Variants in CHD3 observed in about 807,000 individuals in gnomAD.
The protein encoded by CHD3 is ATP-dependent chromatin remodeler CHD3.
A neutral mutation model predicts 248.9 loss-of-function variants in CHD3; 52 were observed. That is an observed-to-expected ratio of 0.21 (90% confidence interval 0.17 to 0.26). The LOEUF is 0.26. Among genes scored for constraint, CHD3 ranks in the 10% least tolerant of loss-of-function variants. The pLI is 1.00. For synonymous variants in CHD3, 985 were observed against 985.2 expected (o/e 1.00, Z 0.00); for missense variants, 1,482 against 2,605.8 (o/e 0.57, Z 9.39).
rs1157936918 is a variant in CHD3, at chr17:7,905,344, G to A, written c.4138+179G>A. The A allele has an allele frequency of 7.5e-6, 5 of 662,810 alleles. No homozygotes were observed. Among genetic ancestry groups the A allele is most frequent in the Non-Finnish European group, 1.4e-5 (5 of 368,700 alleles). The allele number at this position is 662,810 out of a possible 1,614,324, so 41.1% of individuals were successfully genotyped here. ...TCTCTGCTAGTAAACTTCGGTGTGT[G>A]TGACCACATAGGCTAGATCCAGAAA... On this transcript the variant is annotated intron_variant, in intron 26 of 39. Transcript: ENST00000330494. This position sits in a 1 kb window ranked among gnomAD's most constrained non-coding sequence, Gnocchi z 5.8.
chr17:7,889,717 CGAG>C lies in CHD3; in HGVS notation c.157_159del (p.Gly53del). On this transcript the variant is annotated inframe_deletion, in exon 2 of 40. Coordinates refer to ENST00000330494, the MANE Select transcript of CHD3 (RefSeq NM_001005273.3). This position sits in a 1 kb window ranked among gnomAD's most constrained non-coding sequence, Gnocchi z 4.5. ...AGCATTGGGTGTGAAGAAGAGAAAA[CGAG>C]GACCCAAGAAGCAGAAGGAGAACAA... 1 of 1,613,554 alleles carries C rather than the reference CGAG, an allele frequency of 6.2e-7. No individual in the cohort carries two copies.
Position 7,907,108 on chromosome 17 carries a change from C to G in CHD3, c.4667-18C>G. 9 of 1,614,168 alleles carry G rather than the reference C, an allele frequency of 5.6e-6. No homozygotes were observed. The highest frequency in any genetic ancestry group is 7.6e-6 in the Non-Finnish European group (9 of 1,180,006). On this transcript the variant is annotated intron_variant, in intron 30 of 39. Transcript: ENST00000330494. This position sits in a 1 kb window ranked among gnomAD's most constrained non-coding sequence, Gnocchi z 4.3. ...GGCGGGAGAATCTCTGTCTTTATCA[C>G]TGTGCCTTCCCCTGCAGCTACTCCA...
In CHD3 at chr17:7,910,383, C is replaced by T; in HGVS notation, c.5591-45C>T. 6.2e-7 allele frequency: 1 copy of T among 1,613,128 alleles called. No homozygotes were observed. Among genetic ancestry groups the T allele is most frequent in the Admixed American group, 1.7e-5 (1 of 60,008 alleles). Reference sequence around the variant, plus strand: ...TTTTCCTGGCTCCATCTCTGTATTTCCCTGTCTTTCTCTTGCCCTTCTTTC... The same window carrying T: ...TTTTCCTGGCTCCATCTCTGTATTTTCCTGTCTTTCTCTTGCCCTTCTTTC... On this transcript the variant is annotated intron_variant, in intron 37 of 39. Transcript: ENST00000330494. This position sits in a 1 kb window ranked among gnomAD's most constrained non-coding sequence, Gnocchi z 4.7.
rs372099051 is a variant in CHD3, at chr17:7,908,769, T to C, written c.5334T>C (p.Thr1778=). 5 of 1,614,010 alleles carry C rather than the reference T, an allele frequency of 3.1e-6. No homozygotes were observed. The African/African-American group carries it at 6.7e-5, about 22-fold the overall frequency. The stretch of plus-strand genomic sequence containing the variant: ...CCATTATCAACGAGCCATTTAAAAC[T>C]GAAGCCAATAAGGGGAACTTTCTGG... The part of the protein sequence containing the change: ...QFAIINEPFK[T]EANKGNFLEM... Residue 1778 remains threonine, a synonymous_variant, in exon 36 of 40, where the codon ACT becomes ACC. Transcript: ENST00000330494. The surrounding 1 kb of genome is among the most constrained non-coding windows in gnomAD (Gnocchi z 5.8).
rs1970105163 is a variant in CHD3, at chr17:7,899,827, G to T, written c.2545-69G>T. On this transcript the variant is annotated intron_variant, in intron 15 of 39. Transcript: ENST00000330494. This position sits in a 1 kb window ranked among gnomAD's most constrained non-coding sequence, Gnocchi z 6.8. ...TTGGGAGCCACAGTCAGGACAAGGT[G>T]TCTGGTTCTGGAGGTGTAGGTGCAT... 4 of 1,572,330 alleles carry T rather than the reference G, an allele frequency of 2.5e-6. No homozygotes were observed. Among genetic ancestry groups the T allele is most frequent in the Non-Finnish European group, 3.5e-6 (4 of 1,151,820 alleles).
chr17:7,887,833 C>T (rs1968207338), upstream of CHD3, among the ~76,000 whole-genome samples: 1 of 152,248 alleles, frequency 6.6e-6, no homozygotes, highest in Admixed American at 6.5e-5. Context: ...TGAGTGGCTG[C>T]TGAGACCGAG....
rs768917093 is a variant in CHD3, at chr17:7,904,600, T to C, written c.4053T>C (p.Asp1351=). The change falls in exon 25 of 40, where the codon GAT becomes GAC. Residue 1351 remains aspartate (D), a synonymous_variant. Coordinates refer to ENST00000330494, the MANE Select transcript of CHD3 (RefSeq NM_001005273.3). The surrounding 1 kb of genome is among the most constrained non-coding windows in gnomAD (Gnocchi z 4.4). The part of the protein sequence containing the change: ...KRVRKQVNYN[D]AAQEDQDNQS... ...TTCGCAAGCAAGTTAACTACAATGATGCTGCTCAGGAAGACCAAGGTGAGG... is the reference window on the plus strand; with the variant it reads ...TTCGCAAGCAAGTTAACTACAATGACGCTGCTCAGGAAGACCAAGGTGAGG... The C allele has an allele frequency of 1.2e-6, 2 of 1,613,776 alleles. No homozygotes were observed. Among genetic ancestry groups the C allele is most frequent in the African/African-American group, 1.3e-5 (1 of 74,884 alleles).
chr17:7,910,162 T>G lies in CHD3; in HGVS notation c.5591-266T>G. On this transcript the variant is annotated intron_variant, in intron 37 of 39. Coordinates refer to ENST00000330494, the MANE Select transcript of CHD3 (RefSeq NM_001005273.3). This position sits in a 1 kb window ranked among gnomAD's most constrained non-coding sequence, Gnocchi z 4.7. ...TCTTCCTTTCCTCCATGCTCCCTTTTTCTTTCTTCTTTCTCTCCATCTGTC... is the reference window on the plus strand; with the variant it reads ...TCTTCCTTTCCTCCATGCTCCCTTTGTCTTTCTTCTTTCTCTCCATCTGTC... 1 of 342,036 alleles carries G rather than the reference T, an allele frequency of 2.9e-6. No individual in the cohort carries two copies. Among genetic ancestry groups the G allele is most frequent in the East Asian group, 7.8e-5 (1 of 12,902 alleles). The allele number at this position is 342,036 out of a possible 1,614,324, so 21.2% of individuals were successfully genotyped here.
Position 7,904,306 on chromosome 17 carries a change from A to T in CHD3, c.3895-136A>T, listed in dbSNP as rs1970657008. Reference sequence around the variant, plus strand: ...CATGGAACATGCGCAATGTCCAGAAAATGTATGCAGAGCCACGAAGCTGCA... The same window carrying T: ...CATGGAACATGCGCAATGTCCAGAATATGTATGCAGAGCCACGAAGCTGCA... On this transcript the variant is annotated intron_variant, in intron 24 of 39. Coordinates refer to ENST00000330494, the MANE Select transcript of CHD3 (RefSeq NM_001005273.3). This position sits in a 1 kb window ranked among gnomAD's most constrained non-coding sequence, Gnocchi z 4.4. 1.3e-6 allele frequency: 1 copy of T among 768,196 alleles called. No homozygotes were observed. Among genetic ancestry groups the T allele is most frequent in the Non-Finnish European group, 2.1e-6 (1 of 465,736 alleles). The allele number at this position is 768,196 out of a possible 1,614,324, so 47.6% of individuals were successfully genotyped here.
chr17:7,905,949 C>G lies in CHD3; in HGVS notation c.4318C>G (p.Leu1440Val). 6.2e-7 allele frequency: 1 copy of G among 1,614,168 alleles called. No homozygotes were observed. The highest frequency in any genetic ancestry group is 8.5e-7 in the Non-Finnish European group (1 of 1,180,008). ...ACAGGATGCCTTCACCACACAGTGG[C>G]TGGTGCGGGACCTGAGGGGCAAGAC... ...PPQDAFTTQWLVRDLRGKTEK... is the reference protein window; with the variant it reads ...PPQDAFTTQWVVRDLRGKTEK... Residue 1440 changes from leucine to valine, a missense_variant, in exon 28 of 40, where the codon CTG becomes GTG. Coordinates refer to ENST00000330494, the MANE Select transcript of CHD3 (RefSeq NM_001005273.3). This position sits in a 1 kb window ranked among gnomAD's most constrained non-coding sequence, Gnocchi z 5.8.
chr17:7,906,767 C>T lies in CHD3; in HGVS notation c.4503+70C>T. Reference sequence around the variant, plus strand: ...TCTCTGTCCTTCCTCTGCCTCTGTCCCTGAGTTGTAAGCTTGCGCTGGTGT... The same window carrying T: ...TCTCTGTCCTTCCTCTGCCTCTGTCTCTGAGTTGTAAGCTTGCGCTGGTGT... On this transcript the variant is annotated intron_variant, in intron 29 of 39. Transcript: ENST00000330494. This position sits in a 1 kb window ranked among gnomAD's most constrained non-coding sequence, Gnocchi z 5.0. 1 of 1,585,482 alleles carries T rather than the reference C, an allele frequency of 6.3e-7. No individual in the cohort carries two copies. The highest frequency in any genetic ancestry group is 8.6e-7 in the Non-Finnish European group (1 of 1,164,382).
In CHD3 at chr17:7,911,439, C is replaced by T; in HGVS notation, c.5882-25C>T. On this transcript the variant is annotated intron_variant, in intron 39 of 39. Transcript: ENST00000330494. This position sits in a 1 kb window ranked among gnomAD's most constrained non-coding sequence, Gnocchi z 5.4. ...GTTTGAGAGTGATCTGGAGATTGAT[C>T]TTTCCTTACCCCTTTCCCAAACAGC... 2 of 1,614,092 alleles carry T rather than the reference C, an allele frequency of 1.2e-6. No homozygotes were observed. The highest frequency in any genetic ancestry group is 8.5e-7 in the Non-Finnish European group (1 of 1,179,968).
rs1971365609 is a variant in CHD3 at position 7,909,348 on chromosome 17, G to A, written c.5590+10G>A. On this transcript the variant is annotated intron_variant, in intron 37 of 39. Transcript: ENST00000330494. This position sits in a 1 kb window ranked among gnomAD's most constrained non-coding sequence, Gnocchi z 8.1. ...GCCGTCCTGCACAAGGGTAAGGGCC[G>A]CGGCGGCCCCGCGCGGGGGAGGGCC... 3.9e-6 allele frequency: 6 copies of A among 1,537,572 alleles called. No homozygotes were observed. The highest frequency in any genetic ancestry group is 5.3e-6 in the Non-Finnish European group (6 of 1,140,296).
chr17:7,910,670 C>A lies in CHD3; in HGVS notation c.5754+79C>A. 1 of 1,535,276 alleles carries A rather than the reference C, an allele frequency of 6.5e-7. No homozygotes were observed. The highest frequency in any genetic ancestry group is 8.8e-7 in the Non-Finnish European group (1 of 1,140,800). On this transcript the variant is annotated intron_variant, in intron 38 of 39. Transcript: ENST00000330494. The surrounding 1 kb of genome is among the most constrained non-coding windows in gnomAD (Gnocchi z 4.7). ...ACATACAAACACTTCCATCAGAATCCTATACAATATGGAAAAACAACTTGC... is the reference window on the plus strand; with the variant it reads ...ACATACAAACACTTCCATCAGAATCATATACAATATGGAAAAACAACTTGC...
Position 7,899,322 on chromosome 17 carries a change from G to A in CHD3, c.2344-21G>A. The A allele has an allele frequency of 1.2e-6, 2 of 1,613,118 alleles. No individual in the cohort carries two copies. The highest frequency in any genetic ancestry group is 2.2e-5 in the South Asian group (2 of 91,062). On this transcript the variant is annotated intron_variant, in intron 14 of 39. Coordinates refer to ENST00000330494, the MANE Select transcript of CHD3 (RefSeq NM_001005273.3). This position sits in a 1 kb window ranked among gnomAD's most constrained non-coding sequence, Gnocchi z 6.8. The stretch of plus-strand genomic sequence containing the variant: ...ACGGCCTCTAGCCTAGACTTATGCT[G>A]CCCCCATTCTTGACTCCCAGGGCCA...
Position 7,908,529 on chromosome 17 carries a change from G to C in CHD3, c.5261+19G>C. 4 of 1,594,142 alleles carry C rather than the reference G, an allele frequency of 2.5e-6. No individual in the cohort carries two copies. The highest frequency in any genetic ancestry group is 3.4e-6 in the Non-Finnish European group (4 of 1,164,452). On this transcript the variant is annotated intron_variant, in intron 35 of 39. Coordinates refer to ENST00000330494, the MANE Select transcript of CHD3 (RefSeq NM_001005273.3). The surrounding 1 kb of genome is among the most constrained non-coding windows in gnomAD (Gnocchi z 5.8). Reference sequence around the variant, plus strand: ...TTGTCCTGTATCCTTTGATACACATGCAAGAAGGAAAAGGTTCTCTCAAGC... The same window carrying C: ...TTGTCCTGTATCCTTTGATACACATCCAAGAAGGAAAAGGTTCTCTCAAGC...
chr17:7,910,407 T>A lies in CHD3; in HGVS notation c.5591-21T>A. On this transcript the variant is annotated intron_variant, in intron 37 of 39. Coordinates refer to ENST00000330494, the MANE Select transcript of CHD3 (RefSeq NM_001005273.3). The surrounding 1 kb of genome is among the most constrained non-coding windows in gnomAD (Gnocchi z 4.7). ...TCCCTGTCTTTCTCTTGCCCTTCTT[T>A]CTCTGTGGCCCGGGCCCCAGTTCTG... 6.2e-7 allele frequency: 1 copy of A among 1,614,112 alleles called. No individual in the cohort carries two copies. Among genetic ancestry groups the A allele is most frequent in the Non-Finnish European group, 8.5e-7 (1 of 1,179,988 alleles).
At position 7,903,919 on chromosome 17, in the gene CHD3, T is replaced by C; in HGVS notation, c.3822T>C (p.Thr1274=). 1 of 1,614,200 alleles carries C rather than the reference T, an allele frequency of 6.2e-7. No homozygotes were observed. The highest frequency in any genetic ancestry group is 8.5e-7 in the Non-Finnish European group (1 of 1,180,028). The part of the protein sequence containing the change: ...LDRNQDATED[T]DVQNMNEYLS... ...GGAACCAGGATGCAACTGAGGACAC[T>C]GACGTGCAGAACATGAATGAGTATC... is the stretch of plus-strand genomic sequence containing the variant. Residue 1274 remains threonine, a synonymous_variant, in exon 24 of 40, where the codon ACT becomes ACC. Coordinates refer to ENST00000330494, the MANE Select transcript of CHD3 (RefSeq NM_001005273.3). The surrounding 1 kb of genome is among the most constrained non-coding windows in gnomAD (Gnocchi z 6.8).
intron 20 of CHD3, 37 bp downstream of exon 20, chr17:7,901,412 C>T: frequency 6.5e-7 from 1 of 1,527,080 alleles, no homozygotes; most frequent in South Asian, 1.3e-5. Context: ...CATCTGCTTC[C>T]TCTTCCCTCT....
Sources: gnomAD v4.1 joint callset for allele counts (sites outside exome capture counted in the v4.1 genomes callset) on GRCh38, gnomAD v4.1.1 for gene constraint, Gnocchi (gnomAD v3.1) non-coding constraint, MANE v1.5 for transcripts, NCBI Gene and HGNC (gene_info 2026-07-23, HGNC 2026-07-21) for gene names.